CNTNAP3B: variants seen among roughly 807,000 people sequenced by gnomAD.
CNTNAP3B encodes contactin associated protein family member 3B.
CNTNAP3B carries 25 observed loss-of-function variants against 108.9 expected under a neutral mutation model. The observed-to-expected ratio is 0.23, with a 90% CI of 0.17 to 0.32. The LOEUF is 0.32. Among genes scored for constraint, CNTNAP3B ranks in the 10% least tolerant of loss-of-function variants. The pLI is 1.00. For synonymous variants in CNTNAP3B, 103 were observed against 473.4 expected (o/e 0.22, Z 10.16); for missense variants, 252 against 1,210.4 (o/e 0.21, Z 11.75).
chr9:42,125,575 T>TAATC (rs1172761651), intron 1 of CNTNAP3B, among the ~76,000 whole-genome samples: 1 of 140,252 alleles, frequency 7.1e-6, no homozygotes, highest in Non-Finnish European at 1.5e-5. Context: ...TGTCTTGGAA[T>TAATC]TGATTATCAT....
intron 12 of CNTNAP3B, among the ~76,000 whole-genome samples, chr9:41,955,333 G>T (rs1413795034): frequency 2.0e-5 from 3 of 151,624 alleles, no homozygotes; most frequent in Non-Finnish European, 4.4e-5. Context: ...TAGTAACCAG[G>T]GACATTATAG....
chr9:42,041,957 A>G, intron 3 of CNTNAP3B, among the ~76,000 whole-genome samples: 2 of 130,612 alleles, frequency 1.5e-5, no homozygotes, highest in Non-Finnish European at 3.2e-5. Flanking sequence ...GAAGCTGGAA[A>G]CCATCATTCT....
chr9:42,058,195 G>A, intron 3 of CNTNAP3B, among the ~76,000 whole-genome samples: 1 of 150,736 alleles, frequency 6.6e-6, no homozygotes, highest in South Asian at 2.1e-4. Flanking sequence ...ATATCTAAAA[G>A]ACATACTGAT....
At chr9:42,127,984 C>T (rs1828609553) in intron 1 of CNTNAP3B, among the ~76,000 whole-genome samples, 2 of 139,152 alleles carry the variant, frequency 1.4e-5, no homozygotes, top group South Asian at 2.3e-4. Context: ...GAACTTATTT[C>T]GAAAGAGATT....
intron 9 of CNTNAP3B, among the ~76,000 whole-genome samples, chr9:41,973,878 C>T (rs370099840): frequency 0.015 from 1,953 of 133,556 alleles, 275 homozygotes; most frequent in South Asian, 0.059. Context: ...CAGAGTCTCG[C>T]TCTGTTGCCA....
At chr9:41,931,176 C>T (rs1823967521) in intron 14 of CNTNAP3B, among the ~76,000 whole-genome samples, 1 of 152,268 alleles carries the variant, frequency 6.6e-6, no homozygotes, top group African/African-American at 2.4e-5. Context: ...ATAAGGCTTT[C>T]TGAATTAAAA....
chr9:41,928,206 A>T (rs1823872229), intron 15 of CNTNAP3B, among the ~76,000 whole-genome samples: 2 of 152,274 alleles, frequency 1.3e-5, no homozygotes, highest in Admixed American at 6.5e-5. Context: ...TAGAAAACAC[A>T]AAATTTCTGG....
rs1407266538 is a variant in CNTNAP3B at position 42,049,450 on chromosome 9, G to T, written c.390+27419C>A. Reference sequence around the variant, plus strand: ...TTATGTAGCCAAATCCTCAATGTCGGCATACCTGCAGATGCTAATTCTAGG... The same window carrying T: ...TTATGTAGCCAAATCCTCAATGTCGTCATACCTGCAGATGCTAATTCTAGG... On this transcript the variant is annotated intron_variant, in intron 3 of 23. Coordinates refer to ENST00000377561, the MANE Select transcript of CNTNAP3B (RefSeq NM_001201380.3). Among the ~76,000 whole-genome samples, 234 of 132,842 alleles carry T rather than the reference G, an allele frequency of 1.8e-3. 49 individuals carry two copies. The highest frequency in any genetic ancestry group is 6.9e-3 in the African/African-American group (228 of 32,866). 87.1% of individuals were successfully genotyped at this position (132,842 alleles called of 152,430 possible).
chr9:42,059,736 G>A (rs1331742719), intron 3 of CNTNAP3B, among the ~76,000 whole-genome samples: 1 of 51,910 alleles, frequency 1.9e-5, no homozygotes, highest in Non-Finnish European at 4.5e-5. Context: ...GGGACCACAG[G>A]CACATGCCAC....
Position 42,096,849 on chromosome 9 carries a change from GC to G in CNTNAP3B, c.196+7779del, listed in dbSNP as rs757656401. Among the ~76,000 whole-genome samples the G allele has an allele frequency of 6.8e-4, 84 of 123,108 alleles. 4 individuals carry two copies. The highest frequency in any genetic ancestry group is 3.7e-3 in the Middle Eastern group (1 of 270). 80.8% of individuals were successfully genotyped at this position (123,108 alleles called of 152,430 possible). A position where few individuals can be genotyped will look rare whatever the true frequency, so the allele number is the denominator to read the frequency against. ...AACTTTCCAAAAGCTCATTCTACTT[GC>G]CCCTCCAAGCAAAATACTAACTTTG... On this transcript the variant is annotated intron_variant, in intron 2 of 23. Coordinates refer to ENST00000377561, the MANE Select transcript of CNTNAP3B (RefSeq NM_001201380.3).
chr9:41,939,480 T>C (rs1207420331), intron 13 of CNTNAP3B, among the ~76,000 whole-genome samples: 5 of 149,228 alleles, frequency 3.4e-5, no homozygotes, highest in African/African-American at 7.5e-5. Flanking sequence ...CCACTATCTA[T>C]CACCTGCCCC....
At chr9:42,041,411 T>A (rs1392982770) in intron 3 of CNTNAP3B, among the ~76,000 whole-genome samples, 1 of 151,502 alleles carries the variant, frequency 6.6e-6, no homozygotes, top group Admixed American at 6.6e-5. Context: ...AACAACCCCA[T>A]CAGAAAGTGG....
chr9:41,939,123 T>G (rs1196813268), intron 13 of CNTNAP3B, among the ~76,000 whole-genome samples: 1 of 152,300 alleles, frequency 6.6e-6, no homozygotes, highest in Non-Finnish European at 1.5e-5. Flanking sequence ...GGACAAGGGA[T>G]GCTGCCAGGG....
At chr9:42,117,754 G>A (rs1441424060) in intron 1 of CNTNAP3B, among the ~76,000 whole-genome samples, 1 of 136,576 alleles carries the variant, frequency 7.3e-6, no homozygotes, top group Non-Finnish European at 1.6e-5. Flanking sequence ...TTTTTGGAAA[G>A]ATCAACAAAA....
intron 3 of CNTNAP3B, among the ~76,000 whole-genome samples, chr9:42,062,065 G>A (rs571611433): frequency 3.9e-4 from 20 of 51,054 alleles, no homozygotes; most frequent in South Asian, 3.1e-3. Flanking sequence ...TTTTTGAGAC[G>A]GAGTCTTGCT....
rs538676940 is a variant in CNTNAP3B, at chr9:42,079,558, T to C, written c.197-2496A>G. On this transcript the variant is annotated intron_variant, in intron 2 of 23. Transcript: ENST00000377561. ...TTTGTTTTGAGATGGAGTCTCACTCTGTCACCAGCCTGGAGTGCAGTGGCG... is the reference window on the plus strand; with the variant it reads ...TTTGTTTTGAGATGGAGTCTCACTCCGTCACCAGCCTGGAGTGCAGTGGCG... 5.2e-4 allele frequency among the ~76,000 whole-genome samples: 67 copies of C among 130,042 alleles called. 9 individuals carry two copies. In the East Asian group the frequency reaches 0.017, roughly 32 times the overall value. The allele number at this position is 130,042 out of a possible 152,430, so 85.3% of individuals were successfully genotyped here. A position where few individuals can be genotyped will look rare whatever the true frequency, so the allele number is the denominator to read the frequency against.
intron 3 of CNTNAP3B, among the ~76,000 whole-genome samples, chr9:42,076,443 A>C (rs1249756879): frequency 1.8e-4 from 17 of 96,912 alleles, no homozygotes; most frequent in African/African-American, 4.3e-4. Flanking sequence ...AAAAAAAAAA[A>C]AACAAGAAAA....
Position 42,115,255 on chromosome 9 carries a change from T to A in CNTNAP3B, c.86-10516A>T, listed in dbSNP as rs1828288656. Among the ~76,000 whole-genome samples the A allele has an allele frequency of 3.0e-5, 4 of 135,096 alleles. 1 individual carries two copies. The South Asian group carries it at 9.8e-4, about 33-fold the overall frequency. 88.6% of individuals were successfully genotyped at this position (135,096 alleles called of 152,430 possible). A position where few individuals can be genotyped will look rare whatever the true frequency, so the allele number is the denominator to read the frequency against. On this transcript the variant is annotated intron_variant, in intron 1 of 23. Transcript: ENST00000377561. ...TCATAAGGCTAAGAAAATAGACAGGTCCGGATCCAAGATGGTCGAATAGGA... is the reference window on the plus strand; with the variant it reads ...TCATAAGGCTAAGAAAATAGACAGGACCGGATCCAAGATGGTCGAATAGGA...
chr9:41,933,819 A>G (rs1824054286), intron 14 of CNTNAP3B, among the ~76,000 whole-genome samples: 1 of 152,262 alleles, frequency 6.6e-6, no homozygotes, highest in Non-Finnish European at 1.5e-5. Context: ...TTATATATTC[A>G]TTATTGATTA....
Sources: gnomAD v4.1 joint callset for allele counts (sites outside exome capture counted in the v4.1 genomes callset) on GRCh38, gnomAD v4.1.1 for gene constraint, MANE v1.5 for transcripts, NCBI Gene and HGNC (gene_info 2026-07-23, HGNC 2026-07-21) for gene names.